The following PCDH9 variants were observed in gnomAD, a reference collection of about 807,000 sequenced individuals.
The protein encoded by PCDH9 is protocadherin-9.
PCDH9 carries 24 observed loss-of-function variants against 70.6 expected under a neutral mutation model. The observed-to-expected ratio is 0.34, with a 90% confidence interval of 0.25 to 0.48. The LOEUF is 0.48. PCDH9 is among the 20% of genes least tolerant of loss of function. The pLI is 0.99. For missense variants in PCDH9, 1,281 were observed against 1,503.6 expected (o/e 0.85, Z 2.45); for synonymous variants, 562 against 558.5 (o/e 1.01, Z -0.09).
At chr13:67,202,746 A>G in intron 2 of PCDH9, 1 of 152,150 alleles carries the variant, frequency 6.6e-6, no homozygotes, top group East Asian at 1.9e-4. Context: ...TTTTTCAGTC[A>G]GAGAGAAATG....
chr13:66,671,779 T>A (rs2078178602), intron 3 of PCDH9, among the ~76,000 whole-genome samples: 1 of 152,166 alleles, frequency 6.6e-6, no homozygotes, highest in Non-Finnish European at 1.5e-5. Context: ...TTTTATGTAT[T>A]CAAAAATATA....
chr13:66,902,637 A>T (rs2082295047), intron 3 of PCDH9, among the ~76,000 whole-genome samples: 1 of 151,736 alleles, frequency 6.6e-6, no homozygotes, highest in Non-Finnish European at 1.5e-5. Flanking sequence ...ACAGCTGTAA[A>T]AAAATACGTG....
At chr13:66,552,685 A>G (rs142749730) in intron 4 of PCDH9, among the ~76,000 whole-genome samples, 364 of 152,290 alleles carry the variant, frequency 2.4e-3, no homozygotes, top group African/African-American at 8.4e-3. Flanking sequence ...GAAATCACAC[A>G]TATAAAAATC....
intron 3 of PCDH9, among the ~76,000 whole-genome samples, chr13:66,877,655 G>T (rs191892236): frequency 6.6e-6 from 1 of 152,160 alleles, no homozygotes; most frequent in East Asian, 1.9e-4. Flanking sequence ...GGCATCTTAT[G>T]GTTAGTTTTA....
At chr13:67,150,408 T>C (rs2087629049) in intron 2 of PCDH9, among the ~76,000 whole-genome samples, 2 of 152,302 alleles carry the variant, frequency 1.3e-5, no homozygotes, top group South Asian at 2.1e-4. Flanking sequence ...AAAATCAGTA[T>C]TAATAGAGAG....
chr13:67,043,520 G>T (rs555536715), intron 2 of PCDH9, among the ~76,000 whole-genome samples: 1 of 152,170 alleles, frequency 6.6e-6, no homozygotes, highest in South Asian at 2.1e-4. Context: ...ATAGGAAGTA[G>T]AACATTGGAA....
chr13:67,211,469 A>G (rs759308688), intron 2 of PCDH9: 1 of 152,104 alleles, frequency 6.6e-6, no homozygotes, highest in Non-Finnish European at 1.5e-5. Context: ...TTTTTAAAAT[A>G]CAAATTTTTG....
At chr13:66,489,588 A>C (rs927383073) in intron 4 of PCDH9, among the ~76,000 whole-genome samples, 1 of 152,194 alleles carries the variant, frequency 6.6e-6, no homozygotes, top group Non-Finnish European at 1.5e-5. Context: ...CTGAGATTAC[A>C]GGCATGAGCC....
intron 3 of PCDH9, among the ~76,000 whole-genome samples, chr13:66,816,923 A>ATC (rs1178151559): frequency 1.3e-5 from 2 of 151,528 alleles, no homozygotes; most frequent in East Asian, 3.9e-4. Flanking sequence ...TGAGCTGACT[A>ATC]TAAGTCAGCC....
At chr13:66,326,163 G>C (rs1955839335) in intron 4 of PCDH9, among the ~76,000 whole-genome samples, 1 of 151,964 alleles carries the variant, frequency 6.6e-6, no homozygotes, top group Non-Finnish European at 1.5e-5. Context: ...GTACCATCTT[G>C]ATTACGTCTT....
chr13:67,051,382 A>ATTTTTTTTTTTTTTTTTT (rs567408801), intron 2 of PCDH9, among the ~76,000 whole-genome samples: 3 of 70,996 alleles, frequency 4.2e-5, no homozygotes, highest in Non-Finnish European at 7.4e-5. Context: ...ACAATACAAG[A>ATTTTTTTTTTTTTTTTTT]TTTTTTTTTT....
At chr13:66,892,322 T>C (rs1195446295) in intron 3 of PCDH9, among the ~76,000 whole-genome samples, 3 of 151,048 alleles carry the variant, frequency 2.0e-5, no homozygotes, top group African/African-American at 7.3e-5. Context: ...CTTTAAACCA[T>C]ATAAAATGTA....
At chr13:66,869,620 C>A (rs1354999806) in intron 3 of PCDH9, among the ~76,000 whole-genome samples, 3 of 152,110 alleles carry the variant, frequency 2.0e-5, no homozygotes, top group African/African-American at 7.2e-5. Flanking sequence ...ATGCAAAAAT[C>A]TGAGGACTTA....
intron 3 of PCDH9, among the ~76,000 whole-genome samples, chr13:66,895,163 A>G (rs1235373642): frequency 2.6e-5 from 4 of 152,170 alleles, no homozygotes; most frequent in African/African-American, 9.7e-5. Flanking sequence ...TGAAATTAGA[A>G]TAGGTATTTT....
intron 3 of PCDH9, among the ~76,000 whole-genome samples, chr13:66,703,304 C>G (rs529719008): frequency 3.7e-4 from 56 of 152,316 alleles, no homozygotes; most frequent in African/African-American, 1.2e-3. Flanking sequence ...CTCACTAGCT[C>G]ATACAAGCAA....
At chr13:67,217,187 A>G (rs1000139783) in intron 2 of PCDH9, 1 of 151,942 alleles carries the variant, frequency 6.6e-6, no homozygotes, top group African/African-American at 2.4e-5. Context: ...AGCAGAAGAC[A>G]TTCTCCTTCT....
intron 2 of PCDH9, among the ~76,000 whole-genome samples, chr13:67,107,891 C>G (rs368873336): frequency 3.9e-5 from 6 of 152,192 alleles, no homozygotes; most frequent in African/African-American, 1.4e-4. Context: ...TAGGGTTCTG[C>G]GGTTCCTGGT....
chr13:66,926,201 A>G (rs1013550696), intron 2 of PCDH9, among the ~76,000 whole-genome samples: 3 of 151,986 alleles, frequency 2.0e-5, no homozygotes, highest in African/African-American at 7.2e-5. Context: ...TGTTCTTTAG[A>G]TTCATTAAAT....
intron 4 of PCDH9, among the ~76,000 whole-genome samples, chr13:66,350,099 T>C (rs1956270354): frequency 1.3e-5 from 2 of 152,136 alleles, no homozygotes; most frequent in Admixed American, 1.3e-4. Flanking sequence ...GGACACTTGA[T>C]CTACAGCTTC....
Sources: gnomAD v4.1 joint callset for allele counts (sites outside exome capture counted in the v4.1 genomes callset) on GRCh38, gnomAD v4.1.1 for gene constraint, MANE v1.5 for transcripts, NCBI Gene and HGNC (gene_info 2026-07-23, HGNC 2026-07-21) for gene names.